ALOX5: variants seen among roughly 807,000 people sequenced by gnomAD.
ALOX5 encodes the protein arachidonate 5-lipoxygenase.
ALOX5 carries 64 observed loss-of-function variants against 87.9 expected under a neutral mutation model. The observed-to-expected ratio is 0.73, with a 90% CI of 0.60 to 0.90. The LOEUF (loss-of-function observed/expected upper bound fraction) is 0.90, where lower values mean the gene tolerates loss of function less well. Ranked by LOEUF, ALOX5 falls within the 40% of genes least tolerant of loss-of-function variation. The probability of loss-of-function intolerance (pLI) is 0.00; values close to 1 mark genes in which losing one functional copy is unlikely to be tolerated. For synonymous variants in ALOX5, 388 were observed against 355.1 expected (o/e 1.09, Z -1.04); for missense variants, 822 against 907.5 (o/e 0.91, Z 1.21).
chr10:45,385,043 T>TGCCATGTTGGCCAG (rs1455626792), intron 2 of ALOX5, among the ~76,000 whole-genome samples: 4 of 152,060 alleles, frequency 2.6e-5, no homozygotes, highest in Non-Finnish European at 5.9e-5. Context: ...GAAAGGGTTT[T>TGCCATGTTGGCCAG]GCCATGTTGG....
intron 8 of ALOX5, 121 bp from the exon 9 acceptor site, chr10:45,441,223 C>T (rs927142498): frequency 2.1e-5 from 17 of 817,800 alleles, no homozygotes; most frequent in South Asian, 2.0e-4. Flanking sequence ...CCAGCCTTCA[C>T]TTCCTCCCTG....
At chr10:45,393,971 GA>G (rs1421999738) in intron 2 of ALOX5, among the ~76,000 whole-genome samples, 1 of 152,118 alleles carries the variant, frequency 6.6e-6, no homozygotes, top group Non-Finnish European at 1.5e-5. Flanking sequence ...CAAACAAATG[GA>G]AGAACATCCC....
At chr10:45,392,398 A>G (rs531881291) in intron 2 of ALOX5, among the ~76,000 whole-genome samples, 5 of 151,630 alleles carry the variant, frequency 3.3e-5, no homozygotes, top group African/African-American at 4.9e-5. Context: ...CTGTTGATCT[A>G]TGACCTTACC....
At chr10:45,415,761 G>A (rs1841265705) in intron 4 of ALOX5, among the ~76,000 whole-genome samples, 1 of 152,324 alleles carries the variant, frequency 6.6e-6, no homozygotes, top group African/African-American at 2.4e-5. Flanking sequence ...AAAGGAGCAG[G>A]TAGGGGAATA....
chr10:45,408,025 A>C (rs758925915), intron 3 of ALOX5, among the ~76,000 whole-genome samples: 1 of 152,168 alleles, frequency 6.6e-6, no homozygotes, highest in Non-Finnish European at 1.5e-5. Context: ...AAGATATTGA[A>C]GTATTTTTCA....
At chr10:45,407,495 C>T (rs922995650) in intron 3 of ALOX5, among the ~76,000 whole-genome samples, 38 of 151,936 alleles carry the variant, frequency 2.5e-4, no homozygotes, top group African/African-American at 8.5e-4. Flanking sequence ...GACGCATGCC[C>T]GGGAGACAGC....
Position 45,374,388 on chromosome 10 carries a change from C to T in ALOX5, c.109C>T (p.Leu37=). 1.3e-6 allele frequency: 2 copies of T among 1,564,678 alleles called. No homozygotes were observed. The highest frequency in any genetic ancestry group is 1.9e-5 in the Admixed American group (1 of 52,370). The change falls in exon 1 of 14, where the codon CTG becomes TTG. Residue 37 remains leucine, a synonymous_variant. Transcript: ENST00000374391. Reference sequence around the variant, plus strand: ...CTCGGCGGGCTGCAGCGAGAAGCACCTGCTGGACAAGCCCTTCTACAACGA... The same window carrying T: ...CTCGGCGGGCTGCAGCGAGAAGCACTTGCTGGACAAGCCCTTCTACAACGA... ...VGSAGCSEKH[L]LDKPFYNDFE...
chr10:45,402,224 C>T (rs952221130), intron 3 of ALOX5, among the ~76,000 whole-genome samples: 6 of 152,148 alleles, frequency 3.9e-5, no homozygotes, highest in Non-Finnish European at 5.9e-5. Flanking sequence ...TCCCTCAACC[C>T]TGTAGCTCCT....
chr10:45,426,889 ACAC>A (rs1841723804), intron 6 of ALOX5, among the ~76,000 whole-genome samples: 1 of 152,052 alleles, frequency 6.6e-6, no homozygotes, highest in Admixed American at 6.5e-5. Flanking sequence ...AGCTTAGCAA[ACAC>A]CACCCACTCC....
intron 3 of ALOX5, among the ~76,000 whole-genome samples, chr10:45,400,715 C>G (rs1840669079): frequency 6.6e-6 from 1 of 152,160 alleles, no homozygotes; most frequent in African/African-American, 2.4e-5. Flanking sequence ...TTGTGTGATT[C>G]TATCTGTATG....
intron 4 of ALOX5, among the ~76,000 whole-genome samples, chr10:45,414,791 T>C (rs1841211826): frequency 6.6e-6 from 1 of 152,136 alleles, no homozygotes. Flanking sequence ...AGCAGACACT[T>C]CTCAAAAGAA....
At chr10:45,409,613 C>T (rs1841000597) in intron 3 of ALOX5, among the ~76,000 whole-genome samples, 1 of 151,888 alleles carries the variant, frequency 6.6e-6, no homozygotes, top group East Asian at 1.9e-4. Flanking sequence ...CTTGCTTTCT[C>T]TCTCTCTCTT....
At chr10:45,419,216 A>G (rs180954921) in intron 4 of ALOX5, among the ~76,000 whole-genome samples, 3 of 152,364 alleles carry the variant, frequency 2.0e-5, no homozygotes, top group Non-Finnish European at 2.9e-5. Context: ...GGTCAGGTGA[A>G]GGCGCAGAGG....
At chr10:45,389,024 G>T (rs1840103835) in intron 2 of ALOX5, among the ~76,000 whole-genome samples, 1 of 152,192 alleles carries the variant, frequency 6.6e-6, no homozygotes, top group Admixed American at 6.5e-5. Context: ...GAAAAACATG[G>T]CACGAGAACT....
intron 7 of ALOX5, among the ~76,000 whole-genome samples, chr10:45,432,120 C>A (rs935782120): frequency 6.8e-6 from 1 of 147,994 alleles, no homozygotes; most frequent in Non-Finnish European, 1.5e-5. Flanking sequence ...CTAGCATAGT[C>A]AAAAATTTTT....
At chr10:45,426,344 G>A (rs1841702410) in intron 6 of ALOX5, among the ~76,000 whole-genome samples, 1 of 152,194 alleles carries the variant, frequency 6.6e-6, no homozygotes, top group Admixed American at 6.5e-5. Flanking sequence ...GGGCACGTGG[G>A]TTATGAGTCA....
intron 2 of ALOX5, among the ~76,000 whole-genome samples, chr10:45,388,658 A>T (rs2132693612): frequency 6.6e-6 from 1 of 152,392 alleles, no homozygotes; most frequent in East Asian, 1.9e-4. Flanking sequence ...ACTAACAAAC[A>T]GAAAGGACAT....
chr10:45,417,485 C>A (rs1183328301), intron 4 of ALOX5, among the ~76,000 whole-genome samples: 2 of 152,176 alleles, frequency 1.3e-5, no homozygotes, highest in Non-Finnish European at 2.9e-5. Context: ...CTGCTGGGTC[C>A]CAGGGAGTGC....
At chr10:45,413,851 A>AG (rs1442564909) in intron 4 of ALOX5, among the ~76,000 whole-genome samples, 1 of 152,142 alleles carries the variant, frequency 6.6e-6, no homozygotes, top group African/African-American at 2.4e-5. Flanking sequence ...TGCTTCAAAG[A>AG]GAATAAAATA....
Sources: gnomAD v4.1 joint callset for allele counts (sites outside exome capture counted in the v4.1 genomes callset) on GRCh38, gnomAD v4.1.1 for gene constraint, MANE v1.5 for transcripts, NCBI Gene and HGNC (gene_info 2026-07-23, HGNC 2026-07-21) for gene names.